CCDC110: variants seen among roughly 807,000 people sequenced by gnomAD.
The protein encoded by CCDC110 is coiled-coil domain containing 110.
CCDC110 carries 70 observed loss-of-function variants against 77.1 expected under a neutral mutation model. That is an observed-to-expected ratio of 0.91 (90% CI 0.75 to 1.11). The LOEUF is 1.11. Ranked by LOEUF, CCDC110 falls within the 50% of genes least tolerant of loss-of-function variation. The pLI, the probability that CCDC110 is intolerant of heterozygous loss-of-function variation, is 0.00. For missense variants in CCDC110, 868 were observed against 942.9 expected (o/e 0.92, Z 1.04); for synonymous variants, 295 against 312.5 (o/e 0.94, Z 0.59).
intron 6 of CCDC110, 34 bp downstream of exon 6, chr4:185,458,092 A>G (rs769538381): frequency 5.0e-6 from 7 of 1,397,174 alleles, no homozygotes; most frequent in Admixed American, 5.2e-5. Context: ...AGAATCTTAA[A>G]CACATCTCTA....
intron 5 of CCDC110, 112 bp from the exon 6 acceptor site, chr4:185,460,350 C>A: frequency 1.4e-6 from 1 of 703,782 alleles, no homozygotes; most frequent in Non-Finnish European, 2.2e-6. Context: ...AGCATTTTAT[C>A]CATTTCTACA....
At chr4:185,446,187 T>C (rs981834435) in intron 6 of CCDC110, among the ~76,000 whole-genome samples, 6 of 152,244 alleles carry the variant, frequency 3.9e-5, no homozygotes, top group African/African-American at 1.4e-4. Context: ...TTTAGAACAA[T>C]GTATTTATCA....
rs763726922 is a variant in CCDC110, at chr4:185,470,911, G to C, written c.115+34C>G. On this transcript the variant is annotated intron_variant, in intron 2 of 6. Transcript: ENST00000307588. Reference sequence around the variant, plus strand: ...GGCCAGATGCTGCCGCCTGTGTATAGTTAAAGGAGCCTTTTACGGTCTGGC... The same window carrying C: ...GGCCAGATGCTGCCGCCTGTGTATACTTAAAGGAGCCTTTTACGGTCTGGC... 15 of 1,469,364 alleles carry C rather than the reference G, an allele frequency of 1.0e-5. No homozygotes were observed. The South Asian group carries it at 1.6e-4, about 16-fold the overall frequency. 91.0% of individuals were successfully genotyped at this position (1,469,364 alleles called of 1,614,324 possible).
intron 6 of CCDC110, chr4:185,457,744 T>C (rs1440734415): frequency 2.2e-6 from 3 of 1,394,904 alleles, no homozygotes; most frequent in Non-Finnish European, 2.8e-6. Context: ...GACAAAGGTT[T>C]TGAAACATTG....
In CCDC110 at chr4:185,459,165, T is replaced by C. The variant is rs1561160281; in HGVS notation, c.1422A>G (p.Glu474=). The change falls in exon 6 of 7, where the codon GAA becomes GAG. Residue 474 remains glutamate (E), a synonymous_variant. Transcript: ENST00000307588. ...FTTQSLIQKV[E]TYEKQLKNLV... ...GATTCTTAAGTTGCTTTTCATATGTTTCAACTTTCTGTATGAGAGATTGTG... is the reference window on the plus strand; with the variant it reads ...GATTCTTAAGTTGCTTTTCATATGTCTCAACTTTCTGTATGAGAGATTGTG... 1 of 1,600,504 alleles carries C rather than the reference T, an allele frequency of 6.2e-7. No homozygotes were observed. The highest frequency in any genetic ancestry group is 8.5e-7 in the Non-Finnish European group (1 of 1,174,930).
chr4:185,468,396 AT>A lies in CCDC110; in HGVS notation c.115+2548del, dbSNP rs1020235690. On this transcript the variant is annotated intron_variant, in intron 2 of 6. Coordinates refer to ENST00000307588, the MANE Select transcript of CCDC110 (RefSeq NM_152775.4). The surrounding 1 kb of genome is among the most constrained non-coding windows in gnomAD (Gnocchi z 4.5). ...ATGATGATAATTTGGTAAATTCAAA[AT>A]TTCTAGTCAAGACGGAGGGGAGAGA... Among the ~76,000 whole-genome samples, 3 of 152,218 alleles carry A rather than the reference AT, an allele frequency of 2.0e-5. No homozygotes were observed. The highest frequency in any genetic ancestry group is 7.2e-5 in the African/African-American group (3 of 41,440).
At chr4:185,467,104 C>CT (rs34688346) in intron 2 of CCDC110, among the ~76,000 whole-genome samples, 3 of 152,050 alleles carry the variant, frequency 2.0e-5, no homozygotes, top group Admixed American at 6.6e-5. Context: ...AGTGAAATAG[C>CT]TTTTTTGCAG....
chr4:185,465,227 C>T (rs943465353), intron 2 of CCDC110, among the ~76,000 whole-genome samples: 1 of 152,186 alleles, frequency 6.6e-6, no homozygotes, highest in Non-Finnish European at 1.5e-5. Flanking sequence ...CCTTCCCATA[C>T]CTACAGGAAT....
chr4:185,460,184 C>T lies in CCDC110; in HGVS notation c.403G>A (p.Asp135Asn), dbSNP rs141373097. The change falls in exon 6 of 7, where the codon GAT becomes AAT. Residue 135 changes from aspartate (D) to asparagine (N), a missense_variant. Physicochemically the swap from Asp to Asn is conservative, Grantham distance 23. Transcript: ENST00000307588. ...LSMEKSHHFE[D>N]SKTLHSVEEK... ...TCCACTGAATGAAGTGTCTTGGAAT[C>T]CTCAAAATGATGACTTTTCTCCATA... 36 of 1,610,588 alleles carry T rather than the reference C, an allele frequency of 2.2e-5. No individual in the cohort carries two copies. In the African/African-American group the frequency reaches 4.7e-4, roughly 21 times the overall value.
chr4:185,465,885 T>C (rs1196388279), intron 2 of CCDC110, among the ~76,000 whole-genome samples: 1 of 152,176 alleles, frequency 6.6e-6, no homozygotes, highest in Non-Finnish European at 1.5e-5. Context: ...TGGCTCCTTG[T>C]TTTTTGGTGA....
intron 6 of CCDC110, among the ~76,000 whole-genome samples, chr4:185,450,221 G>C (rs1431364644): frequency 6.6e-6 from 1 of 152,158 alleles, no homozygotes; most frequent in Non-Finnish European, 1.5e-5. Context: ...AGGTTATTTA[G>C]CCAATGGCAG....
intron 6 of CCDC110, among the ~76,000 whole-genome samples, chr4:185,449,422 G>A (rs961326896): frequency 1.4e-4 from 21 of 151,908 alleles, no homozygotes; most frequent in Admixed American, 6.6e-4. Context: ...TTGGGCGGCC[G>A]AGGCAGGAGG....
intron 6 of CCDC110, among the ~76,000 whole-genome samples, chr4:185,450,761 C>A (rs538489891): frequency 8.1e-6 from 1 of 123,382 alleles, no homozygotes; most frequent in African/African-American, 2.8e-5. Context: ...AAAAAAAAAT[C>A]TGCTCTTAAA....
chr4:185,449,534 A>AT, intron 6 of CCDC110: 1 of 1,097,542 alleles, frequency 9.1e-7, no homozygotes, highest in Non-Finnish European at 1.3e-6. Flanking sequence ...AAAAAAAAAA[A>AT]GAATGTACAG....
chr4:185,456,268 A>G (rs2095635851), intron 6 of CCDC110, among the ~76,000 whole-genome samples: 1 of 152,242 alleles, frequency 6.6e-6, no homozygotes, highest in East Asian at 1.9e-4. Context: ...CAAAGAATAA[A>G]TCACAAGTGA....
chr4:185,451,050 G>C (rs548874623), intron 6 of CCDC110, among the ~76,000 whole-genome samples: 11 of 152,156 alleles, frequency 7.2e-5, no homozygotes, highest in African/African-American at 2.6e-4. Context: ...CCCCCATACT[G>C]TTCTCGTGGT....
At position 185,445,199 on chromosome 4, in the gene CCDC110, A is replaced by G. The variant is rs186220258; in HGVS notation, c.*303T>C. The G allele has an allele frequency of 1.1e-4, 144 of 1,290,780 alleles. No homozygotes were observed. The highest frequency in any genetic ancestry group is 7.1e-4 in the Admixed American group (30 of 42,016). The allele number at this position is 1,290,780 out of a possible 1,614,324, so 80.0% of individuals were successfully genotyped here. ...TTTCCAACTTTTATACTTCTTCAAA[A>G]TAGTATCTTTTATTTATATATACTT... is the stretch of plus-strand genomic sequence containing the variant. On this transcript the variant is annotated 3_prime_UTR_variant, in exon 7 of 7. Transcript: ENST00000307588.
In CCDC110 at chr4:185,445,418, G is replaced by A; in HGVS notation, c.*84C>T. On this transcript the variant is annotated 3_prime_UTR_variant, in exon 7 of 7. Coordinates refer to ENST00000307588, the MANE Select transcript of CCDC110 (RefSeq NM_152775.4). ...CGCCTCATTATGAGTCATTTGAGAT[G>A]AGTTAGATATGCATAGTTCAGTTAG... 1 of 960,836 alleles carries A rather than the reference G, an allele frequency of 1.0e-6. No homozygotes were observed. The highest frequency in any genetic ancestry group is 1.6e-6 in the Non-Finnish European group (1 of 619,070). 59.5% of individuals were successfully genotyped at this position (960,836 alleles called of 1,614,324 possible).
At chr4:185,462,562 A>G (rs2095648296) in intron 4 of CCDC110, 81 bp downstream of exon 4, 7 of 1,058,284 alleles carry the variant, frequency 6.6e-6, no homozygotes, top group Middle Eastern at 4.0e-4. Flanking sequence ...CAGCTAATCC[A>G]TTGGCTAGTG....
Sources: gnomAD v4.1 joint callset for allele counts (sites outside exome capture counted in the v4.1 genomes callset) on GRCh38, gnomAD v4.1.1 for gene constraint, Gnocchi (gnomAD v3.1) non-coding constraint, MANE v1.5 for transcripts, NCBI Gene and HGNC (gene_info 2026-07-23, HGNC 2026-07-21) for gene names.